PARP2: variants seen among roughly 807,000 people sequenced by gnomAD.
The protein encoded by PARP2 is poly [ADP-ribose] polymerase 2.
In PARP2, 57 loss-of-function variants were observed where a neutral mutation model predicts 77.8. That is an observed-to-expected ratio of 0.73 (90% CI 0.59 to 0.91). The LOEUF (loss-of-function observed/expected upper bound fraction) is 0.91. Among genes scored for constraint, PARP2 ranks in the 40% least tolerant of loss-of-function variants. The pLI is 0.00. For synonymous variants in PARP2, 226 were observed against 242.6 expected (o/e 0.93, Z 0.64); for missense variants, 651 against 689.0 (o/e 0.94, Z 0.62).
intron 1 of PARP2, 29 bp downstream of exon 1, chr14:20,343,716 TG>T: frequency 6.2e-7 from 1 of 1,606,262 alleles, no homozygotes; most frequent in Non-Finnish European, 8.5e-7. Context: ...CGGGACGGCA[TG>T]CGGGGGGCGG....
chr14:20,356,884 C>T (rs1452154420), intron 13 of PARP2, 167 bp from the exon 14 acceptor site: 34 of 671,884 alleles, frequency 5.1e-5, no homozygotes, highest in African/African-American at 1.1e-4. Context: ...CCTCAGAAGG[C>T]GGAAATTCAC....
At position 20,357,457 on chromosome 14, in the gene PARP2, A is replaced by G. The variant is rs748555858; in HGVS notation, c.1490A>G (p.Gln497Arg). Residue 497 changes from glutamine (Q) to arginine (R), a missense_variant, in exon 15 of 16, where the codon CAA becomes CGA. By Grantham distance (43) the Gln-to-Arg change is conservative. Transcript: ENST00000429687. ...EANPKAEGLL[Q>R]GKHSTKGLGK... is the part of the protein sequence containing the mutation. The stretch of plus-strand genomic sequence containing the variant: ...AATCCTAAGGCCGAAGGATTGCTTC[A>G]AGGTAAACATAGCACCAAGGGGCTG... 2 of 1,613,900 alleles carry G rather than the reference A, an allele frequency of 1.2e-6. No homozygotes were observed. Among genetic ancestry groups the G allele is most frequent in the Non-Finnish European group, 1.7e-6 (2 of 1,179,960 alleles).
chr14:20,357,270 A>G lies in PARP2; in HGVS notation c.1428+121A>G, dbSNP rs565518285. 24 of 1,347,544 alleles carry G rather than the reference A, an allele frequency of 1.8e-5. No individual in the cohort carries two copies. In the Middle Eastern group the frequency reaches 1.5e-3, roughly 82 times the overall value. The allele number at this position is 1,347,544 out of a possible 1,614,324, so 83.5% of individuals were successfully genotyped here. On this transcript the variant is annotated intron_variant, in intron 14 of 15. Coordinates refer to ENST00000429687, the MANE Select transcript of PARP2 (RefSeq NM_001042618.2). ...ATAGCTTGAGAGAGGACCAAGTACA[A>G]TTTCTAGTACATTGGATTCCTCTGC...
intron 4 of PARP2, among the ~76,000 whole-genome samples, chr14:20,347,390 ATATATATATTTTTTTTTT>A (rs1883796873): frequency 6.6e-5 from 1 of 15,174 alleles, no homozygotes; most frequent in African/African-American, 3.2e-4. Context: ...ATATATATAT[ATATATATATTTTTTTTTT>A]TTTTTTTTTT....
rs746989435 is a variant in PARP2, at chr14:20,354,179, T to C, written c.695T>C (p.Ile232Thr). 1.2e-6 allele frequency: 2 copies of C among 1,613,416 alleles called. No homozygotes were observed. The highest frequency in any genetic ancestry group is 3.3e-5 in the Admixed American group (2 of 60,016). Reference protein sequence around the residue: ...DLRVQELIKLICNVQAMEEMM... With the variant: ...DLRVQELIKLTCNVQAMEEMM... ...CGGGTACAGGAGTTAATAAAGTTGA[T>C]CTGTAATGTTCAGGCCATGGAAGAA... is the stretch of plus-strand genomic sequence containing the variant. Residue 232 changes from isoleucine to threonine, a missense_variant, in exon 8 of 16, where the codon ATC (isoleucine) becomes ACC (threonine). By Grantham distance (89) the Ile-to-Thr change is moderately conservative (BLOSUM62 -1). Coordinates refer to ENST00000429687, the MANE Select transcript of PARP2 (RefSeq NM_001042618.2).
At chr14:20,350,446 T>C in intron 4 of PARP2, 80 bp from the exon 5 acceptor site, 1 of 688,884 alleles carries the variant, frequency 1.5e-6, no homozygotes, top group Admixed American at 2.2e-5. Context: ...CTGGCACCTG[T>C]GACGAAGGAT....
At position 20,356,346 on chromosome 14, in the gene PARP2, C is replaced by T; in HGVS notation, c.1141C>T (p.His381Tyr). The change falls in exon 12 of 16, where the codon CAC becomes TAC. Residue 381 changes from histidine to tyrosine, a missense_variant. Physicochemically the swap from His to Tyr is moderately conservative, Grantham distance 83 (BLOSUM62 2). Coordinates refer to ENST00000429687, the MANE Select transcript of PARP2 (RefSeq NM_001042618.2). ...CCTACAATCTACCCATGCTCCCACA[C>T]ACAGCGACTATACCATGACCTTGCT... Reference protein sequence around the residue: ...QYLQSTHAPTHSDYTMTLLDL... With the variant: ...QYLQSTHAPTYSDYTMTLLDL... The T allele has an allele frequency of 6.2e-7, 1 of 1,614,092 alleles. No homozygotes were observed. The highest frequency in any genetic ancestry group is 8.5e-7 in the Non-Finnish European group (1 of 1,179,930).
At chr14:20,351,983 T>C (rs534166660) in intron 6 of PARP2, among the ~76,000 whole-genome samples, 1 of 152,350 alleles carries the variant, frequency 6.6e-6, no homozygotes, top group Admixed American at 6.5e-5. Flanking sequence ...GGATATCTTT[T>C]GTTTGAAATC....
Position 20,345,522 on chromosome 14 carries a change from T to C in PARP2, c.273+58T>C, listed in dbSNP as rs1883685876. On this transcript the variant is annotated intron_variant, in intron 3 of 15. Transcript: ENST00000429687. ...GGATATCTCAGAGAGCATCCTTTGT[T>C]ATAAGGACTCCTGTCTGGGATGCTG... 9 of 1,255,388 alleles carry C rather than the reference T, an allele frequency of 7.2e-6. 1 individual carries two copies. The South Asian group carries it at 9.8e-5, about 14-fold the overall frequency. 77.8% of individuals were successfully genotyped at this position (1,255,388 alleles called of 1,614,324 possible).
intron 9 of PARP2, 195 bp from the exon 10 acceptor site, chr14:20,355,557 T>C (rs1308381757): frequency 3.2e-5 from 14 of 432,698 alleles, no homozygotes; most frequent in Non-Finnish European, 4.9e-5. Flanking sequence ...GTTCATCTTA[T>C]ACCGAGTATA....
Position 20,356,610 on chromosome 14 carries a change from C to A in PARP2, c.1250C>A (p.Ser417Tyr). The A allele has an allele frequency of 2.5e-6, 4 of 1,613,926 alleles. No individual in the cohort carries two copies. The highest frequency in any genetic ancestry group is 3.4e-6 in the Non-Finnish European group (4 of 1,179,840). The change falls in exon 13 of 16, where the codon TCC (serine) becomes TAC (tyrosine). Residue 417 changes from serine to tyrosine, a missense_variant. Transcript: ENST00000429687. ...LHNRMLLWHG[S>Y]RMSNWVGILS... ...CTTAGGATGCTTCTATGGCATGGTT[C>A]CAGGATGAGTAACTGGGTGGGAATC...
At position 20,356,323 on chromosome 14, in the gene PARP2, T is replaced by G. The variant is rs1884149922; in HGVS notation, c.1118T>G (p.Leu373Arg). ...SYEFKVISQY[L>R]QSTHAPTHSD... is the part of the protein sequence containing the mutation. ...TTTTCACAGGTGATTTCCCAGTACC[T>G]ACAATCTACCCATGCTCCCACACAC... Residue 373 changes from leucine to arginine, a missense_variant, in exon 12 of 16, where the codon CTA becomes CGA. By Grantham distance (102) the Leu-to-Arg change is moderately radical. Transcript: ENST00000429687. The G allele has an allele frequency of 6.2e-7, 1 of 1,614,094 alleles. No homozygotes were observed. The highest frequency in any genetic ancestry group is 8.5e-7 in the Non-Finnish European group (1 of 1,179,932).
chr14:20,357,356 T>G, intron 14 of PARP2, 40 bp from the exon 15 acceptor site: 7 of 1,573,438 alleles, frequency 4.4e-6, no homozygotes, highest in Non-Finnish European at 6.0e-6. Context: ...CATCTAATTC[T>G]TAGTAGGATA....
At chr14:20,356,859 G>C in intron 13 of PARP2, 170 bp downstream of exon 13, 1 of 680,470 alleles carries the variant, frequency 1.5e-6, no homozygotes, top group Non-Finnish European at 2.6e-6. Flanking sequence ...AATTCCTAAA[G>C]ATACCTCACC....
chr14:20,355,707 G>A, intron 9 of PARP2, 45 bp from the exon 10 acceptor site: 1 of 1,495,990 alleles, frequency 6.7e-7, no homozygotes, highest in Non-Finnish European at 9.3e-7. Context: ...GCGCCTTTTA[G>A]CCACATGTCA....
intron 1 of PARP2, 89 bp downstream of exon 1, chr14:20,343,776 A>G (rs758562947): frequency 2.4e-5 from 33 of 1,395,440 alleles, no homozygotes; most frequent in Non-Finnish European, 3.3e-5. Flanking sequence ...TTCCCCTTCC[A>G]GCTCCCTATA....
rs747167876 is a variant in PARP2 at position 20,356,429 on chromosome 14, T to C, written c.1224T>C (p.His408=). 5.6e-6 allele frequency: 9 copies of C among 1,614,064 alleles called. No individual in the cohort carries two copies. The South Asian group carries it at 9.9e-5, about 18-fold the overall frequency. The part of the protein sequence containing the change: ...GEKEAFREDL[H]NRMLLWHGSR... ...AAGAAGCCTTCAGAGAGGACCTTCA[T>C]AACAGGTCTGAGTCTAGCTTTGCGT... The change falls in exon 12 of 16, where the codon CAT becomes CAC. Residue 408 remains histidine, a synonymous_variant. Coordinates refer to ENST00000429687, the MANE Select transcript of PARP2 (RefSeq NM_001042618.2).
At chr14:20,346,796 A>G in intron 3 of PARP2, 67 bp from the exon 4 acceptor site, 1 of 1,003,310 alleles carries the variant, frequency 1.0e-6, no homozygotes, top group Non-Finnish European at 1.6e-6. Context: ...GAAAATTTAG[A>G]GCCTCATTTA....
chr14:20,345,724 A>AAAGAGGTTCCT lies in PARP2; in HGVS notation c.273+262_273+272dup, dbSNP rs568217341. ...ACCTGAGACTAGGTATTTTATAAGA[A>AAAGAGGTTCCT]AAGAGGTTCCTAGAGGCTGTACAGG... On this transcript the variant is annotated intron_variant, in intron 3 of 15. Transcript: ENST00000429687. Among the ~76,000 whole-genome samples, 195 of 152,266 alleles carry AAAGAGGTTCCT rather than the reference A, an allele frequency of 1.3e-3. 1 individual carries two copies. Among genetic ancestry groups the AAAGAGGTTCCT allele is most frequent in the African/African-American group, 4.6e-3 (192 of 41,540 alleles).
Sources: gnomAD v4.1 joint callset for allele counts (sites outside exome capture counted in the v4.1 genomes callset) on GRCh38, gnomAD v4.1.1 for gene constraint, MANE v1.5 for transcripts, NCBI Gene and HGNC (gene_info 2026-07-23, HGNC 2026-07-21) for gene names.